The following SLC25A26 variants were observed in gnomAD, a reference collection of about 807,000 sequenced individuals.
SLC25A26 encodes the protein solute carrier family 25 member 26.
A neutral mutation model predicts 37.8 loss-of-function variants in SLC25A26; 36 were observed. The observed-to-expected ratio is 0.95, with a 90% CI of 0.73 to 1.26. The LOEUF is 1.26. Among genes scored for constraint, SLC25A26 ranks in the 50% most tolerant of loss-of-function variants. The pLI is 0.00. For synonymous variants in SLC25A26, 129 were observed against 122.5 expected (o/e 1.05, Z -0.35); for missense variants, 390 against 331.1 (o/e 1.18, Z -1.38).
rs551705442 is a variant in SLC25A26 at position 66,182,183 on chromosome 3, A to C, written c.-353-38559A>C. 2.0e-5 allele frequency among the ~76,000 whole-genome samples: 3 copies of C among 152,314 alleles called. No homozygotes were observed. The South Asian group carries it at 6.2e-4, about 32-fold the overall frequency. On this transcript the variant is annotated intron_variant, in intron 1 of 10. Transcript: ENST00000676754. The stretch of plus-strand genomic sequence containing the variant: ...AAATGATTCGAGAGCAGAAATTCCC[A>C]AATGGGAGGTGAGAAGAGACCTGAA...
At chr3:66,209,898 T>TTATATATATA (rs1159734636) in intron 1 of SLC25A26, among the ~76,000 whole-genome samples, 451 of 38,392 alleles carry the variant, frequency 0.012, 52 homozygotes, top group Non-Finnish European at 0.016. Flanking sequence ...CTCTCTCTAT[T>TTATATATATA]TATATATATA....
At chr3:66,291,498 GT>G (rs1172026390) in intron 5 of SLC25A26, among the ~76,000 whole-genome samples, 1 of 152,094 alleles carries the variant, frequency 6.6e-6, no homozygotes, top group Non-Finnish European at 1.5e-5. Flanking sequence ...ATTCCGGTAC[GT>G]TGTGTATTTG....
At chr3:66,303,950 C>T (rs2107570829) in intron 5 of SLC25A26, among the ~76,000 whole-genome samples, 1 of 152,192 alleles carries the variant, frequency 6.6e-6, no homozygotes, top group Non-Finnish European at 1.5e-5. Context: ...ACTTTACTTC[C>T]AGAGGCTGCT....
intron 3 of SLC25A26, among the ~76,000 whole-genome samples, chr3:66,252,057 A>C (rs1426739153): frequency 6.6e-6 from 1 of 152,224 alleles, no homozygotes; most frequent in Non-Finnish European, 1.5e-5. Flanking sequence ...CAGGAGTGTA[A>C]CTTGGTCAGT....
intron 5 of SLC25A26, among the ~76,000 whole-genome samples, chr3:66,284,761 A>G (rs2074454181): frequency 6.6e-6 from 1 of 152,208 alleles, no homozygotes; most frequent in South Asian, 2.1e-4. Context: ...CACATTTTCA[A>G]ATGGTGCAGC....
intron 5 of SLC25A26, among the ~76,000 whole-genome samples, chr3:66,318,798 T>C (rs1250095637): frequency 6.6e-6 from 1 of 152,030 alleles, no homozygotes; most frequent in Non-Finnish European, 1.5e-5. Flanking sequence ...ACCATAGATA[T>C]GCACCACCAC....
intron 1 of SLC25A26, among the ~76,000 whole-genome samples, chr3:66,194,989 G>C (rs2106800105): frequency 6.6e-6 from 1 of 152,342 alleles, no homozygotes; most frequent in African/African-American, 2.4e-5. Context: ...CCCTTGGTGG[G>C]GAAGGGAGGG....
intron 1 of SLC25A26, among the ~76,000 whole-genome samples, chr3:66,148,987 T>G (rs2070159627): frequency 6.6e-6 from 1 of 152,180 alleles, no homozygotes; most frequent in African/African-American, 2.4e-5. Context: ...AAATCTATCC[T>G]TTATTCCTTC....
intron 1 of SLC25A26, among the ~76,000 whole-genome samples, chr3:66,180,586 T>C (rs2070684081): frequency 6.6e-6 from 1 of 152,224 alleles, no homozygotes; most frequent in Non-Finnish European, 1.5e-5. Flanking sequence ...GCTTCGTTCC[T>C]TCACAGCAGA....
At chr3:66,286,327 G>A (rs527571631) in intron 5 of SLC25A26, among the ~76,000 whole-genome samples, 1 of 152,220 alleles carries the variant, frequency 6.6e-6, no homozygotes, top group Non-Finnish European at 1.5e-5. Flanking sequence ...ATAGCTCTAT[G>A]TTTTACATTT....
chr3:66,170,779 G>T (rs1469203009), intron 1 of SLC25A26, among the ~76,000 whole-genome samples: 28 of 136,274 alleles, frequency 2.1e-4, no homozygotes. Flanking sequence ...ACATTTAATA[G>T]ATGTGATTAT....
chr3:66,256,541 G>GT (rs2107236738), intron 3 of SLC25A26, among the ~76,000 whole-genome samples: 1 of 152,100 alleles, frequency 6.6e-6, no homozygotes, highest in East Asian at 1.9e-4. Flanking sequence ...ATTCTACTCT[G>GT]TTTTTTCCCT....
intron 5 of SLC25A26, among the ~76,000 whole-genome samples, chr3:66,313,836 G>A (rs934002053): frequency 3.3e-5 from 5 of 151,986 alleles, no homozygotes; most frequent in Non-Finnish European, 7.4e-5. Context: ...GATCCTTCAC[G>A]TCCCTTGCTA....
At chr3:66,272,166 A>G (rs1399076829) in intron 5 of SLC25A26, among the ~76,000 whole-genome samples, 3 of 152,184 alleles carry the variant, frequency 2.0e-5, no homozygotes, top group African/African-American at 7.2e-5. Context: ...ATTATTTCAC[A>G]TAATCCTCAC....
At chr3:66,371,727 G>A (rs1033974980) in intron 9 of SLC25A26, among the ~76,000 whole-genome samples, 1 of 152,116 alleles carries the variant, frequency 6.6e-6, no homozygotes, top group Non-Finnish European at 1.5e-5. Flanking sequence ...CATTAATTCT[G>A]CTGCCAGTTC....
intron 5 of SLC25A26, among the ~76,000 whole-genome samples, chr3:66,293,969 C>T (rs114492123): frequency 0.014 from 2,098 of 151,988 alleles, 42 homozygotes; most frequent in African/African-American, 0.047. Context: ...TAAGTTTGTT[C>T]TTTTTGCTTA....
intron 5 of SLC25A26, among the ~76,000 whole-genome samples, chr3:66,326,003 T>C (rs376382309): frequency 1.3e-5 from 2 of 152,144 alleles, no homozygotes; most frequent in South Asian, 2.1e-4. Flanking sequence ...GAGAAATAGA[T>C]TGAAGAAATA....
intron 5 of SLC25A26, among the ~76,000 whole-genome samples, chr3:66,277,657 A>G (rs1035820819): frequency 1.3e-5 from 2 of 152,166 alleles, no homozygotes; most frequent in Non-Finnish European, 2.9e-5. Flanking sequence ...ATAGTCTAGA[A>G]GTATTTCCCC....
intron 1 of SLC25A26, among the ~76,000 whole-genome samples, chr3:66,234,772 A>C (rs2072194967): frequency 6.6e-6 from 1 of 152,236 alleles, no homozygotes; most frequent in Admixed American, 6.5e-5. Context: ...GGATGGAAAC[A>C]ATCAGTTTGA....
Sources: gnomAD v4.1 joint callset for allele counts (sites outside exome capture counted in the v4.1 genomes callset) on GRCh38, gnomAD v4.1.1 for gene constraint, MANE v1.5 for transcripts, NCBI Gene and HGNC (gene_info 2026-07-23, HGNC 2026-07-21) for gene names.